The following CSK variants were observed in gnomAD, a reference collection of about 807,000 sequenced individuals.
The protein encoded by CSK is C-terminal Src kinase.
In CSK, 7 loss-of-function variants were observed where a neutral mutation model predicts 62.3. The observed-to-expected ratio is 0.11, with a 90% CI of 0.06 to 0.21. The LOEUF is 0.21. CSK is among the 10% of genes least tolerant of loss of function. The pLI is 1.00. For synonymous variants in CSK, 237 were observed against 246.0 expected, an observed-to-expected ratio of 0.96 and a Z score of 0.34; for missense variants, 294 against 613.5, an observed-to-expected ratio of 0.48 and a Z score of 5.50.
chr15:74,793,524 G>A (rs972383014), intron 1 of CSK, among the ~76,000 whole-genome samples: 1 of 152,210 alleles, frequency 6.6e-6, no homozygotes, highest in Non-Finnish European at 1.5e-5. Flanking sequence ...ACACCTGAGG[G>A]GGACAGAATG....
intron 1 of CSK, among the ~76,000 whole-genome samples, chr15:74,792,054 G>C (rs1002118651): frequency 6.6e-6 from 1 of 152,128 alleles, no homozygotes; most frequent in Non-Finnish European, 1.5e-5. Flanking sequence ...CTCTATCATG[G>C]GGAGTGTTCA....
At chr15:74,797,149 C>T (rs527783967) in intron 1 of CSK, among the ~76,000 whole-genome samples, 6 of 152,112 alleles carry the variant, frequency 3.9e-5, no homozygotes, top group Admixed American at 1.3e-4. Context: ...GCCATGTTGC[C>T]GAGACTGGTC....
chr15:74,801,639 C>G, intron 10 of CSK, 44 bp downstream of exon 10: 2 of 1,611,002 alleles, frequency 1.2e-6, no homozygotes, highest in Non-Finnish European at 1.7e-6. Context: ...TGAGGGGTAC[C>G]CTGCCCTGCT....
At chr15:74,799,516 G>C in intron 5 of CSK, 25 bp downstream of exon 5, 1 of 1,603,758 alleles carries the variant, frequency 6.2e-7, no homozygotes, top group South Asian at 1.1e-5. Flanking sequence ...ACAGAGCCTT[G>C]CTCCCACCCT....
chr15:74,783,940 C>T (rs1314682282), intron 1 of CSK, among the ~76,000 whole-genome samples: 3 of 152,222 alleles, frequency 2.0e-5, no homozygotes, highest in Non-Finnish European at 4.4e-5. Context: ...TGGCAGCAGG[C>T]TACAGACTGG....
rs564167254 is a variant in CSK at position 74,782,132 on chromosome 15, G to T, written c.-654G>T. On this transcript the variant is annotated 5_prime_UTR_variant, in exon 1 of 13. Transcript: ENST00000220003. The surrounding 1 kb of genome is among the most constrained non-coding windows in gnomAD (Gnocchi z 5.7). Reference sequence around the variant, plus strand: ...GGCCTGCGAGCTTCCTCCCAGCGGAGCCCTGGGCGAGCCGAGGTTGGCCGC... The same window carrying T: ...GGCCTGCGAGCTTCCTCCCAGCGGATCCCTGGGCGAGCCGAGGTTGGCCGC... 6.7e-6 allele frequency: 1 copy of T among 148,632 alleles called. No individual in the cohort carries two copies. Among genetic ancestry groups the T allele is most frequent in the Non-Finnish European group, 1.5e-5 (1 of 66,304 alleles). 9.2% of individuals were successfully genotyped at this position (148,632 alleles called of 1,614,324 possible).
At chr15:74,789,182 C>G (rs901405277) in intron 1 of CSK, among the ~76,000 whole-genome samples, 2 of 152,262 alleles carry the variant, frequency 1.3e-5, no homozygotes, top group African/African-American at 4.8e-5. Context: ...ATCCGCCCTT[C>G]TCCTTAGGTC....
At chr15:74,787,133 G>T (rs34933034) in intron 1 of CSK, among the ~76,000 whole-genome samples, 16 of 152,136 alleles carry the variant, frequency 1.1e-4, no homozygotes, top group Admixed American at 7.9e-4. Context: ...CCGGCAGGGA[G>T]CACTGCCTCC....
At chr15:74,784,034 T>A (rs1441084684) in intron 1 of CSK, among the ~76,000 whole-genome samples, 2 of 152,156 alleles carry the variant, frequency 1.3e-5, no homozygotes, top group Non-Finnish European at 1.5e-5. Context: ...GTGTCTTTCT[T>A]GGTTGTGGCC....
chr15:74,785,362 T>C (rs566115893), intron 1 of CSK, among the ~76,000 whole-genome samples: 1 of 152,270 alleles, frequency 6.6e-6, no homozygotes, highest in East Asian at 1.9e-4. Flanking sequence ...TGTGCATTTT[T>C]CCCCTCTGTT....
Position 74,803,010 on chromosome 15 carries a change from G to A in CSK, c.*497G>A, listed in dbSNP as rs539452369. 1.6e-4 allele frequency: 25 copies of A among 160,090 alleles called. No individual in the cohort carries two copies. Among genetic ancestry groups the A allele is most frequent in the African/African-American group, 4.3e-4 (18 of 41,526 alleles). 9.9% of individuals were successfully genotyped at this position (160,090 alleles called of 1,614,324 possible). The stretch of plus-strand genomic sequence containing the variant: ...TTCCCCATTCTGTGTCCCATGTCCC[G>A]TGTCTCCTCGGTCGCCCCGTGTTTG... On this transcript the variant is annotated 3_prime_UTR_variant, in exon 13 of 13. Transcript: ENST00000220003.
rs369845889 is a variant in CSK at position 74,790,432 on chromosome 15, TTGTCAGCC to T, written c.-66+7715_-66+7722del. ...GCTCCCAGTTCTTTCTCCCCACTCCTTGTCAGCCTGGGCTCACAAGAAAGGCTGCCTGA... is the reference window on the plus strand; with the variant it reads ...GCTCCCAGTTCTTTCTCCCCACTCCTTGGGCTCACAAGAAAGGCTGCCTGA... On this transcript the variant is annotated intron_variant, in intron 1 of 12. Transcript: ENST00000220003. Among the ~76,000 whole-genome samples the T allele has an allele frequency of 9.0e-3, 1,370 of 152,270 alleles. 18 individuals are homozygous for T. Among genetic ancestry groups the T allele is most frequent in the African/African-American group, 0.027 (1,136 of 41,564 alleles).
intron 1 of CSK, among the ~76,000 whole-genome samples, chr15:74,784,045 A>G (rs1184927833): frequency 6.6e-6 from 1 of 152,168 alleles, no homozygotes; most frequent in East Asian, 1.9e-4. Context: ...GGTTGTGGCC[A>G]CAGCAGGAAC....
chr15:74,792,753 C>T (rs1196485410), intron 1 of CSK, among the ~76,000 whole-genome samples: 2 of 152,340 alleles, frequency 1.3e-5, no homozygotes, highest in Non-Finnish European at 2.9e-5. Context: ...GCCATCTTGT[C>T]TGCGGCCACT....
intron 5 of CSK, among the ~76,000 whole-genome samples, 164 bp downstream of exon 5, chr15:74,799,655 C>T (rs1287818277): frequency 1.3e-5 from 2 of 152,194 alleles, no homozygotes; most frequent in African/African-American, 4.8e-5. Flanking sequence ...GCAGCTGCTG[C>T]GTGCCAGGAC....
intron 6 of CSK, 34 bp from the exon 7 acceptor site, chr15:74,800,647 T>G: frequency 6.5e-7 from 1 of 1,539,022 alleles, no homozygotes; most frequent in Non-Finnish European, 8.8e-7. Context: ...ATGTCCCTAG[T>G]GGCCTCCAGG....
rs932083970 is a variant in CSK, at chr15:74,783,478, C to T, written c.-66+758C>T. ...CCGCCCATTTTGTACACCCGGGAAC[C>T]GAGGCTCAAAGGGAGAAGTTGCTAC... On this transcript the variant is annotated intron_variant, in intron 1 of 12. Transcript: ENST00000220003. Among the ~76,000 whole-genome samples, 10 of 152,154 alleles carry T rather than the reference C, an allele frequency of 6.6e-5. No homozygotes were observed. The East Asian group carries it at 9.6e-4, about 15-fold the overall frequency.
intron 4 of CSK, 143 bp downstream of exon 4, chr15:74,799,081 C>G: frequency 1.0e-6 from 1 of 968,752 alleles, no homozygotes; most frequent in South Asian, 1.7e-5. Flanking sequence ...GGTGCGGGAC[C>G]TCACAGAGCA....
chr15:74,801,729 A>G lies in CSK; in HGVS notation c.922A>G (p.Asn308Asp). 2 of 1,613,974 alleles carry G rather than the reference A, an allele frequency of 1.2e-6. No homozygotes were observed. The highest frequency in any genetic ancestry group is 2.2e-5 in the South Asian group (2 of 91,078). The part of the protein sequence containing the change: ...VCEAMEYLEG[N>D]NFVHRDLAAR... ...CGAGGCCATGGAATACCTGGAGGGC[A>G]ACAATTTCGTGCATCGAGACCTGGC... The change falls in exon 11 of 13, where the codon AAC becomes GAC. Residue 308 changes from asparagine to aspartate, a missense_variant. Physicochemically the swap from Asn to Asp is conservative, Grantham distance 23. Transcript: ENST00000220003.
Sources: gnomAD v4.1 joint callset for allele counts (sites outside exome capture counted in the v4.1 genomes callset) on GRCh38, gnomAD v4.1.1 for gene constraint, Gnocchi (gnomAD v3.1) non-coding constraint, MANE v1.5 for transcripts, NCBI Gene and HGNC (gene_info 2026-07-23, HGNC 2026-07-21) for gene names.